The following LRP2 variants were observed in gnomAD, a reference collection of about 807,000 sequenced individuals.
LRP2 encodes low-density lipoprotein receptor-related protein 2.
A neutral mutation model predicts 531.0 loss-of-function variants in LRP2; 172 were observed. That is an observed-to-expected ratio of 0.32 (90% CI 0.29 to 0.37). The LOEUF is 0.37. Ranked by LOEUF, LRP2 falls within the 10% of genes least tolerant of loss-of-function variation. The pLI is 1.00. For missense variants in LRP2, 5,167 were observed against 5,868.3 expected (o/e 0.88, Z 3.90); for synonymous variants, 1,992 against 2,027.6 (o/e 0.98, Z 0.47).
intron 18 of LRP2, among the ~76,000 whole-genome samples, chr2:169,256,838 TC>T (rs1175342651): frequency 6.6e-6 from 1 of 151,984 alleles, no homozygotes; most frequent in African/African-American, 2.4e-5. Context: ...GGGACCCACC[TC>T]CCCCATCTTG....
Position 169,318,750 on chromosome 2 carries a change from C to A in LRP2, c.310+12G>T. ...CACAAAGCCAAAGCAAGATTCCTCT[C>A]CAAACACTTACAGCAATCTTGACGT... is the stretch of plus-strand genomic sequence containing the variant. On this transcript the variant is annotated intron_variant, in intron 3 of 78. Coordinates refer to ENST00000649046, the MANE Select transcript of LRP2 (RefSeq NM_004525.3). 3.1e-6 allele frequency: 5 copies of A among 1,614,066 alleles called. No homozygotes were observed. Among genetic ancestry groups the A allele is most frequent in the Non-Finnish European group, 4.2e-6 (5 of 1,179,952 alleles).
At chr2:169,271,867 G>C (rs541081785) in intron 15 of LRP2, 52 of 161,112 alleles carry the variant, frequency 3.2e-4, no homozygotes, top group Non-Finnish European at 4.9e-4. Context: ...AGGGATAAAG[G>C]AAATAGGTAA....
chr2:169,267,296 G>A (rs2544387), intron 16 of LRP2, among the ~76,000 whole-genome samples: 128,007 of 152,110 alleles, frequency 0.84, 54,598 homozygotes, highest in East Asian at 0.97. Context: ...AATCAACAGA[G>A]TATACATTCC....
chr2:169,362,216 C>T (rs1425304193), intron 1 of LRP2, 105 bp downstream of exon 1: 1 of 1,022,120 alleles, frequency 9.8e-7, no homozygotes, highest in East Asian at 2.7e-5. Flanking sequence ...CGCCGCCCGG[C>T]CCTAGCCCCT....
chr2:169,226,096 C>T (rs975780749), intron 32 of LRP2, among the ~76,000 whole-genome samples: 5 of 152,206 alleles, frequency 3.3e-5, no homozygotes, highest in Middle Eastern at 3.2e-3. Context: ...GTGACTGCTG[C>T]TTCTTGGCAT....
chr2:169,242,187 A>G (rs1689830883), intron 24 of LRP2, among the ~76,000 whole-genome samples: 1 of 111,936 alleles, frequency 8.9e-6, no homozygotes, highest in Non-Finnish European at 1.8e-5. Context: ...ATGAAAACTT[A>G]CTTTTTTGGT....
intron 62 of LRP2, among the ~76,000 whole-genome samples, chr2:169,163,442 C>T (rs547958744): frequency 3.3e-5 from 5 of 152,242 alleles, no homozygotes; most frequent in African/African-American, 9.6e-5. Context: ...CTGTGAGACA[C>T]GAAGGCCCAA....
At chr2:169,267,668 T>C (rs1361773994) in intron 16 of LRP2, among the ~76,000 whole-genome samples, 2 of 152,102 alleles carry the variant, frequency 1.3e-5, no homozygotes, top group African/African-American at 2.4e-5. Flanking sequence ...GATCTAAAAC[T>C]GACACCCTAA....
chr2:169,277,985 G>A, intron 12 of LRP2, 34 bp from the exon 13 acceptor site: 1 of 1,567,580 alleles, frequency 6.4e-7, no homozygotes, highest in Non-Finnish European at 8.8e-7. Context: ...AAAGAATCTG[G>A]TATTTTACAA....
At position 169,247,398 on chromosome 2, in the gene LRP2, T is replaced by C. The variant is rs764900407; in HGVS notation, c.2888A>G (p.Tyr963Cys). 8.7e-6 allele frequency: 14 copies of C among 1,614,056 alleles called. No homozygotes were observed. In the South Asian group the frequency reaches 1.3e-4, roughly 15 times the overall value. Reference protein sequence around the residue: ...GIAYILHLKSYDVNIQTGSNA... With the variant: ...GIAYILHLKSCDVNIQTGSNA... ...CTCACCAGTCTGGATGTTGACATCA[T>C]ACGATTTCAAATGCAGTATGTAAGC... The change falls in exon 20 of 79, where the codon TAT (tyrosine) becomes TGT (cysteine). Residue 963 changes from tyrosine to cysteine, a missense_variant. Coordinates refer to ENST00000649046, the MANE Select transcript of LRP2 (RefSeq NM_004525.3).
intron 3 of LRP2, among the ~76,000 whole-genome samples, chr2:169,308,296 C>T (rs1344298635): frequency 2.0e-5 from 3 of 151,924 alleles, no homozygotes; most frequent in Admixed American, 2.0e-4. Flanking sequence ...CATATGTATA[C>T]ATCTGCCATG....
intron 1 of LRP2, among the ~76,000 whole-genome samples, chr2:169,327,096 C>T (rs1352897976): frequency 1.3e-5 from 2 of 150,570 alleles, no homozygotes; most frequent in Admixed American, 6.6e-5. Flanking sequence ...GGGGGGTCAG[C>T]CCCCCGCCCG....
intron 19 of LRP2, 70 bp downstream of exon 19, chr2:169,256,036 G>A (rs946072922): frequency 6.6e-7 from 1 of 1,513,686 alleles, no homozygotes; most frequent in South Asian, 1.1e-5. Flanking sequence ...AATGCCACAT[G>A]AGGATGAGTT....
intron 1 of LRP2, among the ~76,000 whole-genome samples, chr2:169,355,166 T>C (rs1685956112): frequency 6.6e-6 from 1 of 152,188 alleles, no homozygotes; most frequent in South Asian, 2.1e-4. Context: ...AGTCCTTCTT[T>C]CTCCTGTTCT....
In LRP2 at chr2:169,185,493, G is replaced by A; in HGVS notation, c.9845+10C>T. On this transcript the variant is annotated intron_variant, in intron 50 of 78. Coordinates refer to ENST00000649046, the MANE Select transcript of LRP2 (RefSeq NM_004525.3). ...TTTAACTTTTAAAAAGCTCATCAGT[G>A]TTTTCTTACCTGGAAACCCAGTCTA... 1.2e-6 allele frequency: 2 copies of A among 1,612,578 alleles called. No homozygotes were observed. The highest frequency in any genetic ancestry group is 1.1e-5 in the South Asian group (1 of 91,060).
chr2:169,301,469 G>A (rs1485161030), intron 4 of LRP2, among the ~76,000 whole-genome samples: 1 of 151,312 alleles, frequency 6.6e-6, no homozygotes, highest in Non-Finnish European at 1.5e-5. Context: ...TGACCAGATT[G>A]AATAATAAAA....
At position 169,226,590 on chromosome 2, in the gene LRP2, T is replaced by A; in HGVS notation, c.5228-2A>T. 6.2e-7 allele frequency: 1 copy of A among 1,606,328 alleles called. No individual in the cohort carries two copies. On this transcript the variant is annotated splice_acceptor_variant, in intron 31 of 78. Transcript: ENST00000649046. LOFTEE classifies it high-confidence loss of function. The stretch of plus-strand genomic sequence containing the variant: ...CAGTTATTAAGAAAGGTTGATCATC[T>A]GTGAAAATAGAAGAATATCAGTCAA...
chr2:169,295,488 G>A (rs1368321183), intron 4 of LRP2, among the ~76,000 whole-genome samples: 3 of 152,174 alleles, frequency 2.0e-5, no homozygotes, highest in African/African-American at 4.8e-5. Context: ...CAGGAATAAC[G>A]TGCTATCTGT....
intron 29 of LRP2, among the ~76,000 whole-genome samples, chr2:169,235,243 ATT>A (rs34253860): frequency 1.1e-4 from 16 of 145,992 alleles, no homozygotes; most frequent in East Asian, 4.1e-4. Context: ...CTTGAAAAAA[ATT>A]TTTTTTTTTT....
Sources: gnomAD v4.1 joint callset for allele counts (sites outside exome capture counted in the v4.1 genomes callset) on GRCh38, gnomAD v4.1.1 for gene constraint, MANE v1.5 for transcripts, NCBI Gene and HGNC (gene_info 2026-07-23, HGNC 2026-07-21) for gene names.